The following GDE1 variants were observed in gnomAD, a reference collection of about 807,000 sequenced individuals.
GDE1 encodes RGS16-interacting membrane protein.
Under a neutral mutation model 32.2 loss-of-function variants are expected in GDE1, and 24 were observed. That is an observed-to-expected ratio of 0.75 (90% CI 0.54 to 1.05). GDE1 has a LOEUF of 1.05. Among genes scored for constraint, GDE1 ranks in the 50% least tolerant of loss-of-function variants. GDE1 has a pLI of 0.00. For missense variants in GDE1, 380 were observed against 415.0 expected, an observed-to-expected ratio of 0.92 and a Z score of 0.73; for synonymous variants, 159 against 158.6, an observed-to-expected ratio of 1.00 and a Z score of -0.02.
At chr16:19,521,368 A>G (rs1969451126) in intron 1 of GDE1, 5 of 278,972 alleles carry the variant, frequency 1.8e-5, no homozygotes, top group Non-Finnish European at 2.7e-5. Flanking sequence ...ACTCTCTTAA[A>G]GTTATCTCAT....
chr16:19,511,983 GTTGA>G (rs1969324124), intron 2 of GDE1, among the ~76,000 whole-genome samples: 1 of 152,072 alleles, frequency 6.6e-6, no homozygotes, highest in Non-Finnish European at 1.5e-5. Flanking sequence ...GAACACTTAG[GTTGA>G]TTCTGTATCT....
At chr16:19,518,844 T>G (rs1474576756) in intron 1 of GDE1, among the ~76,000 whole-genome samples, 1 of 152,216 alleles carries the variant, frequency 6.6e-6, no homozygotes, top group Non-Finnish European at 1.5e-5. Context: ...TTAAATCTTT[T>G]CCTTTTCCCA....
chr16:19,514,751 G>C (rs531485685), intron 2 of GDE1, among the ~76,000 whole-genome samples: 161 of 152,188 alleles, frequency 1.1e-3, no homozygotes, highest in Middle Eastern at 6.8e-3. Context: ...TATTTCAACT[G>C]TAAGATCATG....
At position 19,504,974 on chromosome 16, in the gene GDE1, A is replaced by G. The variant is rs1969227346; in HGVS notation, c.755T>C (p.Met252Thr). Residue 252 changes from methionine to threonine, a missense_variant, in exon 5 of 6, where the codon ATG becomes ACG. Coordinates refer to ENST00000353258, the MANE Select transcript of GDE1 (RefSeq NM_016641.4). ...GCTCCAATCGAGCAAAATGTCCATC[A>G]TAACAAATATAAAATGTTTCCAGAA... is the stretch of plus-strand genomic sequence containing the variant. ...DTFWKHFIFV[M>T]MDILLDWSMH... 1 of 1,613,128 alleles carries G rather than the reference A, an allele frequency of 6.2e-7. No homozygotes were observed. The highest frequency in any genetic ancestry group is 1.3e-5 in the African/African-American group (1 of 75,046).
At chr16:19,510,667 T>C (rs1180564041) in intron 3 of GDE1, among the ~76,000 whole-genome samples, 172 bp downstream of exon 3, 1 of 152,220 alleles carries the variant, frequency 6.6e-6, no homozygotes, top group Admixed American at 6.5e-5. Flanking sequence ...CATAATGCAC[T>C]GTTTCCTTAA....
intron 3 of GDE1, among the ~76,000 whole-genome samples, chr16:19,509,666 T>G (rs972050510): frequency 1.3e-5 from 2 of 151,742 alleles, no homozygotes; most frequent in African/African-American, 2.4e-5. Flanking sequence ...TTCAGGTTTT[T>G]TTTTTTTTTT....
In GDE1 at chr16:19,503,181, T is replaced by A. The variant is rs1969200207; in HGVS notation, c.*289A>T. 2.4e-6 allele frequency: 1 copy of A among 418,998 alleles called. No individual in the cohort carries two copies. The highest frequency in any genetic ancestry group is 2.0e-5 in the African/African-American group (1 of 50,964). The allele number at this position is 418,998 out of a possible 1,614,324, so 26.0% of individuals were successfully genotyped here. On this transcript the variant is annotated 3_prime_UTR_variant, in exon 6 of 6. Coordinates refer to ENST00000353258, the MANE Select transcript of GDE1 (RefSeq NM_016641.4). ...GCAAACTGTACAATTCAATCTGTGC[T>A]TATCCTCACTGGGTCTCCCTGTGTG...
chr16:19,519,583 T>C (rs1969424082), intron 1 of GDE1, among the ~76,000 whole-genome samples: 2 of 152,154 alleles, frequency 1.3e-5, no homozygotes, highest in Non-Finnish European at 2.9e-5. Context: ...CTTTATTGAC[T>C]ATTTACTCAG....
chr16:19,510,847 C>G lies in GDE1; in HGVS notation c.535G>C (p.Ala179Pro), dbSNP rs767747735. Reference sequence around the variant, plus strand: ...CACAATTTAAACTGTACCTTGTGTGCATGGCCTTTGACATCAAAGAAGATT... The same window carrying G: ...CACAATTTAAACTGTACCTTGTGTGGATGGCCTTTGACATCAAAGAAGATT... ...LTIFFDVKGH[A>P]HKATEALKKM... The change falls in exon 3 of 6, where the codon GCA (alanine) becomes CCA (proline). Residue 179 changes from alanine (A) to proline (P), a missense_variant. Coordinates refer to ENST00000353258, the MANE Select transcript of GDE1 (RefSeq NM_016641.4). 6.5e-6 allele frequency: 10 copies of G among 1,543,914 alleles called. No homozygotes were observed. The highest frequency in any genetic ancestry group is 5.3e-5 in the Admixed American group (3 of 56,172).
At chr16:19,511,267 T>A (rs932753828) in intron 2 of GDE1, among the ~76,000 whole-genome samples, 3 of 152,084 alleles carry the variant, frequency 2.0e-5, no homozygotes, top group African/African-American at 7.2e-5. Context: ...CACGCCTGGC[T>A]AATTTTTTGT....
intron 2 of GDE1, among the ~76,000 whole-genome samples, chr16:19,514,642 T>C (rs565470142): frequency 6.6e-6 from 1 of 152,320 alleles, no homozygotes; most frequent in East Asian, 1.9e-4. Flanking sequence ...GACATAATTT[T>C]CTGATAAAGA....
At chr16:19,505,512 G>A (rs761472957) in intron 4 of GDE1, among the ~76,000 whole-genome samples, 20 of 152,130 alleles carry the variant, frequency 1.3e-4, no homozygotes, top group Admixed American at 3.9e-4. Context: ...AGAGCAAATG[G>A]CTGAAGAGTT....
chr16:19,516,896 G>T, intron 2 of GDE1, 118 bp downstream of exon 2: 1 of 851,744 alleles, frequency 1.2e-6, no homozygotes, highest in Non-Finnish European at 1.9e-6. Context: ...CAAGACCTAC[G>T]TACAGTTCAA....
rs1429018397 is a variant in GDE1 at position 19,505,110 on chromosome 16, G to A, written c.637-18C>T. Reference sequence around the variant, plus strand: ...TGTCTCATCTGCAAAGGAATTTGGGGAAGTAAAATAATGATCATATGTAAA... The same window carrying A: ...TGTCTCATCTGCAAAGGAATTTGGGAAAGTAAAATAATGATCATATGTAAA... On this transcript the variant is annotated intron_variant, in intron 4 of 5. Transcript: ENST00000353258. 4 of 1,515,496 alleles carry A rather than the reference G, an allele frequency of 2.6e-6. No individual in the cohort carries two copies. Among genetic ancestry groups the A allele is most frequent in the Admixed American group, 3.3e-5 (2 of 59,782 alleles). The allele number at this position is 1,515,496 out of a possible 1,614,324, so 93.9% of individuals were successfully genotyped here.
In GDE1 at chr16:19,502,474, A is replaced by G. The variant is rs766771810; in HGVS notation, c.*996T>C. ...GTAATCATGGCTCATTGCAGCCTTG[A>G]ACTTCTGGGCTCAAGTGATCCTCCC... On this transcript the variant is annotated 3_prime_UTR_variant, in exon 6 of 6. Transcript: ENST00000353258. The G allele has an allele frequency of 6.9e-6, 1 of 144,468 alleles. No homozygotes were observed. The highest frequency in any genetic ancestry group is 1.5e-5 in the Non-Finnish European group (1 of 67,256). 8.9% of individuals were successfully genotyped at this position (144,468 alleles called of 1,614,324 possible).
At chr16:19,516,921 A>G in intron 2 of GDE1, 93 bp downstream of exon 2, 2 of 1,096,046 alleles carry the variant, frequency 1.8e-6, no homozygotes, top group Non-Finnish European at 2.7e-6. Flanking sequence ...AAACAAGACA[A>G]CTCTCCTGGG....
intron 2 of GDE1, among the ~76,000 whole-genome samples, chr16:19,512,943 G>T (rs969264583): frequency 6.6e-6 from 1 of 150,518 alleles, no homozygotes; most frequent in African/African-American, 2.4e-5. Flanking sequence ...GTGTGTGTGT[G>T]TGTGTGTGTG....
In GDE1 at chr16:19,521,692, TG is replaced by T. The variant is rs1224406433; in HGVS notation, c.261+11del. The T allele has an allele frequency of 1.5e-5, 24 of 1,608,390 alleles. No homozygotes were observed. Among genetic ancestry groups the T allele is most frequent in the Non-Finnish European group, 1.9e-5 (22 of 1,177,302 alleles). Reference sequence around the variant, plus strand: ...TCGGGAGGACCGAGGGGCGCGAACGTGGGGGTCTCACCTGCCGAATGGCCGC... The same window carrying T: ...TCGGGAGGACCGAGGGGCGCGAACGTGGGGTCTCACCTGCCGAATGGCCGC... On this transcript the variant is annotated intron_variant, in intron 1 of 5. Transcript: ENST00000353258.
chr16:19,512,927 T>TTGTGTGTGTG (rs144957791), intron 2 of GDE1, among the ~76,000 whole-genome samples: 12,334 of 136,850 alleles, frequency 0.09, 605 homozygotes, highest in South Asian at 0.14. Context: ...TGTATCTGTT[T>TTGTGTGTGTG]TGTGTGTGTG....
Sources: allele counts gnomAD v4.1 joint callset (sites outside exome capture counted in the v4.1 genomes callset), GRCh38; gene constraint gnomAD v4.1.1; transcripts MANE v1.5; gene names NCBI Gene and HGNC (gene_info 2026-07-23, HGNC 2026-07-21).